Variants in ROBO2 observed in about 807,000 individuals in gnomAD.
ROBO2 encodes roundabout guidance receptor 2.
Under a neutral mutation model 160.8 loss-of-function variants are expected in ROBO2, and 53 were observed. That is an observed-to-expected ratio of 0.33 (90% CI 0.26 to 0.41). The LOEUF is 0.41. Ranked by LOEUF, ROBO2 falls within the 10% of genes least tolerant of loss-of-function variation. ROBO2 has a pLI of 1.00. For synonymous variants in ROBO2, 664 were observed against 611.7 expected (o/e 1.09, Z -1.26); for missense variants, 1,577 against 1,722.4 (o/e 0.92, Z 1.49).
intron 2 of ROBO2, among the ~76,000 whole-genome samples, chr3:76,099,600 A>G (rs536835396): frequency 7.5e-6 from 1 of 132,742 alleles, no homozygotes; most frequent in South Asian, 2.1e-4. Context: ...GACTAACAAT[A>G]AAAAACCTAA....
At chr3:77,458,502 A>G (rs1196813442) in intron 2 of ROBO2, among the ~76,000 whole-genome samples, 2 of 152,168 alleles carry the variant, frequency 1.3e-5, no homozygotes, top group Non-Finnish European at 2.9e-5. Context: ...CTATTAGGAA[A>G]AGGTGCCATA....
At chr3:76,319,863 G>A (rs143161879) in intron 2 of ROBO2, among the ~76,000 whole-genome samples, 1 of 151,602 alleles carries the variant, frequency 6.6e-6, no homozygotes, top group Non-Finnish European at 1.5e-5. Context: ...TTAGCTTAAC[G>A]TAGAAATTCA....
At position 76,037,124 on chromosome 3, in the gene ROBO2, A is replaced by G. The variant is rs138917791; in HGVS notation, c.109+99522A>G. On this transcript the variant is annotated intron_variant, in intron 2 of 26. Coordinates refer to the ROBO2 transcript ENST00000487694. ...TCAATAGGCCTTTGAAAATAATCCT[A>G]GCTGTAAATCCTATTAAATAATTCA... is the stretch of plus-strand genomic sequence containing the variant. Among the ~76,000 whole-genome samples, 131 of 152,086 alleles carry G rather than the reference A, an allele frequency of 8.6e-4. 2 individuals are homozygous for G. The highest frequency in any genetic ancestry group is 7.7e-3 in the South Asian group (37 of 4,826).
intron 2 of ROBO2, among the ~76,000 whole-genome samples, chr3:76,099,173 G>A (rs2069579732): frequency 1.3e-5 from 2 of 152,104 alleles, no homozygotes; most frequent in South Asian, 4.2e-4. Context: ...TTCCTTGGCA[G>A]CCAAGACAGA....
At chr3:76,822,096 T>C (rs1006688789) in intron 2 of ROBO2, among the ~76,000 whole-genome samples, 20 of 152,020 alleles carry the variant, frequency 1.3e-4, no homozygotes, top group African/African-American at 4.6e-4. Context: ...TTTAAAGTCT[T>C]TATGACTAGC....
At chr3:77,372,101 G>T (rs958828907) in intron 2 of ROBO2, among the ~76,000 whole-genome samples, 1 of 151,898 alleles carries the variant, frequency 6.6e-6, no homozygotes, top group Non-Finnish European at 1.5e-5. Flanking sequence ...TTTAGAGACT[G>T]TAAACTACAT....
At chr3:76,270,954 G>A (rs1483136902) in intron 2 of ROBO2, among the ~76,000 whole-genome samples, 1 of 151,994 alleles carries the variant, frequency 6.6e-6, no homozygotes, top group Non-Finnish European at 1.5e-5. Context: ...GCTTACACAG[G>A]TTTTTTCCAT....
intron 2 of ROBO2, among the ~76,000 whole-genome samples, chr3:77,166,855 G>C (rs1013659065): frequency 6.6e-6 from 1 of 152,174 alleles, no homozygotes; most frequent in South Asian, 2.1e-4. Context: ...CCCCGCGCCC[G>C]GCCGACACAG....
intron 2 of ROBO2, among the ~76,000 whole-genome samples, chr3:76,293,596 T>C (rs1708916805): frequency 6.6e-6 from 1 of 152,158 alleles, no homozygotes; most frequent in Admixed American, 6.5e-5. Context: ...AGGGTAAGAC[T>C]GATTGATTAT....
rs2923069 is a variant in ROBO2 at position 76,731,009 on chromosome 3, C to T, written c.110-367005C>T. Among the ~76,000 whole-genome samples the T allele has an allele frequency of 1.6e-3, 109 of 68,226 alleles. 3 individuals carry two copies. The highest frequency in any genetic ancestry group is 2.1e-3 in the Non-Finnish European group (55 of 26,124). The allele number at this position is 68,226 out of a possible 152,430, so 44.8% of individuals were successfully genotyped here. A position where few individuals can be genotyped will look rare whatever the true frequency, so the allele number is the denominator to read the frequency against. On this transcript the variant is annotated intron_variant, in intron 2 of 26. Transcript: ENST00000487694. Reference sequence around the variant, plus strand: ...TTGTCCTCACCTCCTACTCCCTACCCGCTTTTCCTCACCTCCTACTCCCTA... The same window carrying T: ...TTGTCCTCACCTCCTACTCCCTACCTGCTTTTCCTCACCTCCTACTCCCTA...
chr3:76,724,236 G>C (rs2093511390), intron 2 of ROBO2, among the ~76,000 whole-genome samples: 1 of 152,038 alleles, frequency 6.6e-6, no homozygotes, highest in African/African-American at 2.4e-5. Flanking sequence ...AGTAGCTCCT[G>C]ACCAGCCCTC....
At chr3:76,969,924 G>T (rs2059493164) in intron 2 of ROBO2, among the ~76,000 whole-genome samples, 1 of 152,058 alleles carries the variant, frequency 6.6e-6, no homozygotes, top group East Asian at 1.9e-4. Context: ...TAATTTTTAA[G>T]AATATCATTG....
chr3:76,361,856 T>G (rs2075541817), intron 2 of ROBO2, among the ~76,000 whole-genome samples: 1 of 152,070 alleles, frequency 6.6e-6, no homozygotes, highest in Non-Finnish European at 1.5e-5. Context: ...CTTTCTGATA[T>G]TTAAGAAAGA....
chr3:77,486,528 T>G (rs574141580), intron 4 of ROBO2, among the ~76,000 whole-genome samples: 16 of 108,784 alleles, frequency 1.5e-4, no homozygotes, highest in Non-Finnish European at 2.7e-4. Flanking sequence ...GATGTTGAAC[T>G]TTTTTTCATA....
At chr3:76,567,607 A>G (rs952226794) in intron 2 of ROBO2, among the ~76,000 whole-genome samples, 18 of 130,664 alleles carry the variant, frequency 1.4e-4, no homozygotes, top group Admixed American at 1.1e-3. Context: ...TATTTATGCT[A>G]TACCAAACTA....
At chr3:76,284,181 T>G in intron 2 of ROBO2, among the ~76,000 whole-genome samples, 1 of 152,078 alleles carries the variant, frequency 6.6e-6, no homozygotes, top group South Asian at 2.1e-4. Context: ...ATATTCAGAA[T>G]AAGCTAGCGT....
At chr3:76,150,717 C>T (rs2072163490) in intron 2 of ROBO2, among the ~76,000 whole-genome samples, 2 of 152,166 alleles carry the variant, frequency 1.3e-5, no homozygotes, top group Admixed American at 6.6e-5. Flanking sequence ...ACTTCATCCC[C>T]AATCACACTC....
intron 2 of ROBO2, among the ~76,000 whole-genome samples, chr3:77,476,350 G>A (rs930365718): frequency 4.6e-5 from 7 of 151,054 alleles, no homozygotes; most frequent in African/African-American, 1.7e-4. Flanking sequence ...AGCTTGATGT[G>A]TGCATGTGTC....
chr3:76,735,415 A>G (rs1327819644), intron 2 of ROBO2, among the ~76,000 whole-genome samples: 1 of 152,182 alleles, frequency 6.6e-6, no homozygotes, highest in Non-Finnish European at 1.5e-5. Flanking sequence ...AGACAGGAAC[A>G]ATGGTCACTG....
Sources: allele counts gnomAD v4.1 joint callset (sites outside exome capture counted in the v4.1 genomes callset), GRCh38; gene constraint gnomAD v4.1.1; transcripts MANE v1.5; gene names NCBI Gene and HGNC (gene_info 2026-07-23, HGNC 2026-07-21).